Variants in SEMA3D observed in about 807,000 individuals in gnomAD.
SEMA3D encodes the protein semaphorin 3D.
In SEMA3D, 84 loss-of-function variants were observed where a neutral mutation model predicts 100.1. That is an observed-to-expected ratio of 0.84 (90% confidence interval 0.70 to 1.01). SEMA3D has a LOEUF of 1.01. Among genes scored for constraint, SEMA3D ranks in the 50% least tolerant of loss-of-function variants. SEMA3D has a pLI of 0.00. For synonymous variants in SEMA3D, 312 were observed against 320.7 expected (o/e 0.97, Z 0.29); for missense variants, 875 against 934.1 (o/e 0.94, Z 0.82).
At chr7:85,218,636 A>T in the SEMA3D span, among the ~76,000 whole-genome samples, 4 of 152,128 alleles carry the variant, frequency 2.6e-5, no homozygotes, top group African/African-American at 9.7e-5. Context: ...CATCAGTCTG[A>T]GCTTTAACAG....
intron 3 of SEMA3D, among the ~76,000 whole-genome samples, chr7:85,113,624 A>T (rs78138915): frequency 8.1e-6 from 1 of 122,826 alleles, no homozygotes; most frequent in Admixed American, 7.9e-5. Context: ...TACAAAAATT[A>T]GCTGGGCTTG....
chr7:85,153,004 C>T (rs1467281228), intron 2 of SEMA3D, among the ~76,000 whole-genome samples: 1 of 152,076 alleles, frequency 6.6e-6, no homozygotes, highest in African/African-American at 2.4e-5. Flanking sequence ...TGATTCCTAA[C>T]CTAATGGCAA....
intron 9 of SEMA3D, chr7:85,050,647 A>C (rs1791138110): frequency 4.7e-6 from 2 of 429,906 alleles, no homozygotes; most frequent in Non-Finnish European, 8.3e-6. Context: ...CTCTTGACCA[A>C]AATTTGCATT....
At chr7:85,046,303 G>A (rs1173175829) in intron 9 of SEMA3D, among the ~76,000 whole-genome samples, 1 of 151,652 alleles carries the variant, frequency 6.6e-6, no homozygotes, top group Admixed American at 6.6e-5. Flanking sequence ...TGATATTTAA[G>A]GTAACCATGA....
At chr7:85,163,241 T>C (rs1790798052) in intron 1 of SEMA3D, 2 of 152,052 alleles carry the variant, frequency 1.3e-5, no homozygotes, top group African/African-American at 4.8e-5. Flanking sequence ...TAGGAGGAAA[T>C]TGGGGCAAGT....
chr7:85,215,927 A>C, the SEMA3D span, among the ~76,000 whole-genome samples: 2 of 152,140 alleles, frequency 1.3e-5, no homozygotes, highest in Non-Finnish European at 2.9e-5. Flanking sequence ...GTAATGAGAA[A>C]TTTAAAACAA....
chr7:85,096,270 A>G (rs944493121), intron 4 of SEMA3D, among the ~76,000 whole-genome samples: 1 of 151,936 alleles, frequency 6.6e-6, no homozygotes, highest in African/African-American at 2.4e-5. Flanking sequence ...TTTAAAAGAA[A>G]TTCCTGAAGA....
chr7:85,024,098 C>T (rs756394891), intron 12 of SEMA3D, among the ~76,000 whole-genome samples: 7 of 151,798 alleles, frequency 4.6e-5, no homozygotes, highest in African/African-American at 4.8e-5. Flanking sequence ...TTCAGCCAAG[C>T]GGAATCCGTC....
chr7:85,125,219 G>A (rs1018407953), intron 2 of SEMA3D, among the ~76,000 whole-genome samples: 1 of 151,750 alleles, frequency 6.6e-6, no homozygotes, highest in South Asian at 2.1e-4. Flanking sequence ...TATATACATA[G>A]GCAAAAAAGA....
intron 1 of SEMA3D, among the ~76,000 whole-genome samples, chr7:85,170,930 A>G (rs1277778538): frequency 6.6e-6 from 1 of 152,090 alleles, no homozygotes; most frequent in Non-Finnish European, 1.5e-5. Context: ...AGGCACCAGA[A>G]TAGATTATTT....
intron 9 of SEMA3D, among the ~76,000 whole-genome samples, chr7:85,053,724 T>C (rs759280191): frequency 1.3e-5 from 2 of 152,032 alleles, no homozygotes; most frequent in African/African-American, 2.4e-5. Context: ...GACCAATGGA[T>C]CATATGTATA....
chr7:85,091,614 A>G (rs542386413), intron 4 of SEMA3D, among the ~76,000 whole-genome samples: 8 of 152,038 alleles, frequency 5.3e-5, no homozygotes, highest in Non-Finnish European at 1.0e-4. Context: ...TACTAGGACT[A>G]CTTAAGGCTG....
chr7:85,149,626 A>C (rs2116485871), intron 2 of SEMA3D, among the ~76,000 whole-genome samples: 1 of 152,280 alleles, frequency 6.6e-6, no homozygotes, highest in South Asian at 2.1e-4. Context: ...TAATGGACTG[A>C]GAAAAATCAG....
At chr7:85,083,152 T>C (rs754287709) in intron 4 of SEMA3D, among the ~76,000 whole-genome samples, 3 of 152,182 alleles carry the variant, frequency 2.0e-5, no homozygotes, top group Non-Finnish European at 2.9e-5. Flanking sequence ...AATAAAATGG[T>C]TACATTTCAG....
chr7:85,118,772 C>G (rs768667701), intron 3 of SEMA3D, among the ~76,000 whole-genome samples: 1 of 152,108 alleles, frequency 6.6e-6, no homozygotes, highest in South Asian at 2.1e-4. Context: ...GTTTCTTTTG[C>G]TGTTCGGATG....
intron 4 of SEMA3D, among the ~76,000 whole-genome samples, chr7:85,091,814 T>C (rs1205463396): frequency 6.6e-6 from 1 of 152,104 alleles, no homozygotes; most frequent in Non-Finnish European, 1.5e-5. Context: ...TATAAATGTC[T>C]ATTCACAGTT....
intron 3 of SEMA3D, among the ~76,000 whole-genome samples, chr7:85,115,549 T>C (rs1351842990): frequency 2.0e-5 from 3 of 152,206 alleles, no homozygotes; most frequent in Admixed American, 2.0e-4. Flanking sequence ...TCAATTCCTT[T>C]AGTTCAAACT....
chr7:85,209,114 A>G, the SEMA3D span, among the ~76,000 whole-genome samples: 1 of 152,060 alleles, frequency 6.6e-6, no homozygotes, highest in Admixed American at 6.6e-5. Flanking sequence ...ATAGCATAGT[A>G]TATAGTATGA....
Position 85,006,919 on chromosome 7 carries a change from A to G in SEMA3D, c.1791T>C (p.Asp597=), listed in dbSNP as rs772047968. 3 of 1,610,514 alleles carry G rather than the reference A, an allele frequency of 1.9e-6. No homozygotes were observed. Residue 597 remains aspartate, a synonymous_variant, in exon 18 of 19, where the codon GAT becomes GAC. Coordinates refer to ENST00000284136, the MANE Select transcript of SEMA3D (RefSeq NM_001384900.1). ...ATTCAATGCCAAAAATCACCTTTTCATCAGCAGTTTCATGACTAATGCCTG... is the reference window on the plus strand; with the variant it reads ...ATTCAATGCCAAAAATCACCTTTTCGTCAGCAGTTTCATGACTAATGCCTG... ...IEDSISHETA[D]EKVIFGIEFN...
Sources: allele counts gnomAD v4.1 joint callset (sites outside exome capture counted in the v4.1 genomes callset), GRCh38; gene constraint gnomAD v4.1.1; transcripts MANE v1.5; gene names NCBI Gene and HGNC (gene_info 2026-07-23, HGNC 2026-07-21).